Variants in KLHL32 observed in about 807,000 individuals in gnomAD.
KLHL32 encodes kelch-like protein 32.
KLHL32 carries 35 observed loss-of-function variants against 64.8 expected under a neutral mutation model. The observed-to-expected ratio is 0.54, with a 90% confidence interval of 0.41 to 0.72. KLHL32 has a LOEUF of 0.72. Ranked by LOEUF, KLHL32 falls within the 30% of genes least tolerant of loss-of-function variation. The pLI is 0.00. For synonymous variants in KLHL32, 259 were observed against 281.0 expected, an observed-to-expected ratio of 0.92 and a Z score of 0.78; for missense variants, 589 against 768.5, an observed-to-expected ratio of 0.77 and a Z score of 2.76.
In KLHL32 at chr6:97,091,355, G is replaced by A. The variant is rs535484211; in HGVS notation, c.627+6014G>A. The stretch of plus-strand genomic sequence containing the variant: ...GTTGCTAATTCTAATTCTGTTAGAT[G>A]ACATATGCCTCATTCATTCTTTCAT... On this transcript the variant is annotated intron_variant, in intron 6 of 10. Transcript: ENST00000369261. 3.9e-5 allele frequency among the ~76,000 whole-genome samples: 6 copies of A among 152,318 alleles called. No individual in the cohort carries two copies. In the South Asian group the frequency reaches 1.0e-3, roughly 26 times the overall value.
intron 5 of KLHL32, among the ~76,000 whole-genome samples, chr6:97,081,907 A>G (rs1377970400): frequency 6.6e-6 from 1 of 152,216 alleles, no homozygotes; most frequent in African/African-American, 2.4e-5. Context: ...GCTAGAGCCA[A>G]GCCAGGGTGG....
chr6:96,937,730 A>G (rs1278287156), intron 1 of KLHL32, among the ~76,000 whole-genome samples: 4 of 151,930 alleles, frequency 2.6e-5, no homozygotes, highest in Admixed American at 6.6e-5. Context: ...TCTACCCTCC[A>G]TCCTCACAGC....
intron 3 of KLHL32, among the ~76,000 whole-genome samples, chr6:96,987,800 A>T (rs544086108): frequency 2.6e-5 from 4 of 152,230 alleles, no homozygotes; most frequent in Non-Finnish European, 5.9e-5. Context: ...ATAATGCGGC[A>T]TATCTACAAC....
intron 6 of KLHL32, among the ~76,000 whole-genome samples, chr6:97,111,443 G>A (rs1797125326): frequency 6.6e-6 from 1 of 152,224 alleles, no homozygotes; most frequent in Non-Finnish European, 1.5e-5. Flanking sequence ...AGTGCCAGCA[G>A]AGGTAAACTT....
intron 6 of KLHL32, among the ~76,000 whole-genome samples, chr6:97,112,456 T>C (rs1043595369): frequency 1.3e-5 from 2 of 152,128 alleles, no homozygotes; most frequent in Non-Finnish European, 2.9e-5. Flanking sequence ...ATGATTTTTT[T>C]TTTTTCCTGA....
intron 2 of KLHL32, among the ~76,000 whole-genome samples, chr6:96,969,694 T>G (rs1168198535): frequency 6.6e-6 from 1 of 152,188 alleles, no homozygotes; most frequent in Non-Finnish European, 1.5e-5. Context: ...CCTCTGTGCT[T>G]CAAACTTATC....
At chr6:97,114,565 T>G (rs1797621495) in intron 7 of KLHL32, 56 bp downstream of exon 7, 4 of 1,597,458 alleles carry the variant, frequency 2.5e-6, no homozygotes, top group Non-Finnish European at 3.4e-6. Context: ...TGGTATATAT[T>G]TAAAAGTCAA....
rs1478282996 is a variant in KLHL32, at chr6:97,140,029, A to AAATT, written c.*749_*752dup. ...AAGAAAAAGAAAAATGTTGTTACTGAAATTATAAGGTATTTTATTGTCTTT... is the reference window on the plus strand; with the variant it reads ...AAGAAAAAGAAAAATGTTGTTACTGAAATTAATTATAAGGTATTTTATTGTCTTT... On this transcript the variant is annotated 3_prime_UTR_variant, in exon 11 of 11. Transcript: ENST00000369261. 2.6e-5 allele frequency: 4 copies of AAATT among 152,176 alleles called. No individual in the cohort carries two copies. Among genetic ancestry groups the AAATT allele is most frequent in the Non-Finnish European group, 5.9e-5 (4 of 68,008 alleles). The allele number at this position is 152,176 out of a possible 1,614,324, so 9.4% of individuals were successfully genotyped here.
At chr6:96,948,858 C>G (rs1772230377) in intron 1 of KLHL32, among the ~76,000 whole-genome samples, 1 of 152,094 alleles carries the variant, frequency 6.6e-6, no homozygotes, top group Admixed American at 6.6e-5. Flanking sequence ...AAAACATACT[C>G]CACTCTCCTC....
chr6:97,051,483 A>T (rs927138423), intron 4 of KLHL32, among the ~76,000 whole-genome samples: 1 of 152,310 alleles, frequency 6.6e-6, no homozygotes, highest in African/African-American at 2.4e-5. Context: ...CTCCTAGTTA[A>T]CTCAGTGGGT....
rs182393870 is a variant in KLHL32 at position 97,132,927 on chromosome 6, A to G, written c.1701+180A>G. On this transcript the variant is annotated intron_variant, in intron 10 of 10. Transcript: ENST00000369261. The stretch of plus-strand genomic sequence containing the variant: ...TATCCTAAAAATGATGCCTAAATAA[A>G]TTATTGAGCCCTATTAAAAATAAAA... 4.1e-3 allele frequency among the ~76,000 whole-genome samples: 617 copies of G among 152,326 alleles called. 4 individuals carry two copies. The highest frequency in any genetic ancestry group is 0.014 in the African/African-American group (583 of 41,568).
At chr6:97,120,861 C>A (rs1275104310) in intron 7 of KLHL32, among the ~76,000 whole-genome samples, 1 of 152,178 alleles carries the variant, frequency 6.6e-6, no homozygotes, top group Non-Finnish European at 1.5e-5. Flanking sequence ...CAGCTGCCCC[C>A]AGCAGTTACT....
At chr6:97,095,278 G>A (rs1296685734) in intron 6 of KLHL32, among the ~76,000 whole-genome samples, 3 of 152,120 alleles carry the variant, frequency 2.0e-5, no homozygotes, top group Admixed American at 6.5e-5. Context: ...CCCACTGCTG[G>A]GACTATGTAC....
At chr6:97,102,254 A>T (rs959628496) in intron 6 of KLHL32, among the ~76,000 whole-genome samples, 1 of 152,128 alleles carries the variant, frequency 6.6e-6, no homozygotes, top group Admixed American at 6.5e-5. Context: ...AAGCATCAGG[A>T]TTTCCCTGGC....
At chr6:97,034,377 G>A (rs1388432912) in intron 3 of KLHL32, among the ~76,000 whole-genome samples, 1 of 151,996 alleles carries the variant, frequency 6.6e-6, no homozygotes, top group Non-Finnish European at 1.5e-5. Flanking sequence ...CTATATATCT[G>A]TTTTTATGAC....
At chr6:97,109,755 A>G (rs962319496) in intron 6 of KLHL32, among the ~76,000 whole-genome samples, 2 of 152,228 alleles carry the variant, frequency 1.3e-5, no homozygotes, top group Non-Finnish European at 2.9e-5. Context: ...GAGCCTATGG[A>G]GACATGGATA....
chr6:97,126,221 G>A (rs577350085), intron 7 of KLHL32, among the ~76,000 whole-genome samples: 1 of 152,122 alleles, frequency 6.6e-6, no homozygotes, highest in East Asian at 1.9e-4. Context: ...TTTTACACCA[G>A]TGTCTAGAAC....
intron 2 of KLHL32, among the ~76,000 whole-genome samples, chr6:96,973,554 TA>T (rs1023731444): frequency 4.5e-4 from 69 of 152,318 alleles, no homozygotes; most frequent in African/African-American, 1.6e-3. Context: ...AGTATGAAGA[TA>T]AATGTTTTTG....
chr6:97,013,205 A>G (rs1373253860), intron 3 of KLHL32, among the ~76,000 whole-genome samples: 1 of 152,234 alleles, frequency 6.6e-6, no homozygotes, highest in Non-Finnish European at 1.5e-5. Context: ...AAAGTTGCAC[A>G]TCATAGAAGA....
Sources: allele counts gnomAD v4.1 joint callset (sites outside exome capture counted in the v4.1 genomes callset), GRCh38; gene constraint gnomAD v4.1.1; transcripts MANE v1.5; gene names NCBI Gene and HGNC (gene_info 2026-07-23, HGNC 2026-07-21).